Variants in SCIN observed in about 807,000 individuals in gnomAD.
The protein encoded by SCIN is scinderin, also known as adseverin.
In SCIN, 91 loss-of-function variants were observed where a neutral mutation model predicts 91.8. The observed-to-expected ratio is 0.99, with a 90% CI of 0.84 to 1.18. The LOEUF is 1.18. SCIN is among the 50% of genes most tolerant of loss of function. SCIN has a pLI of 0.00. For synonymous variants in SCIN, 367 were observed against 312.6 expected (o/e 1.17, Z -1.84); for missense variants, 1,087 against 863.9 (o/e 1.26, Z -3.24).
chr7:12,648,570 C>T (rs1784013147), intron 13 of SCIN, among the ~76,000 whole-genome samples: 1 of 152,168 alleles, frequency 6.6e-6, no homozygotes, highest in Non-Finnish European at 1.5e-5. Flanking sequence ...GCTGGGATTA[C>T]AGGCATGAGC....
rs1156833551 is a variant in SCIN at position 12,653,234 on chromosome 7, T to C, written c.*519T>C. ...AATAACCTGAAGGAAACTTTCGTTA[T>C]GGGCCAATATTAGCTCTTATGGAAA... On this transcript the variant is annotated 3_prime_UTR_variant, in exon 16 of 16. Transcript: ENST00000297029. The surrounding 1 kb of genome is among the most constrained non-coding windows in gnomAD (Gnocchi z 4.1). 1 of 152,276 alleles carries C rather than the reference T, an allele frequency of 6.6e-6. No homozygotes were observed. Among genetic ancestry groups the C allele is most frequent in the African/African-American group, 2.4e-5 (1 of 41,454 alleles). The allele number at this position is 152,276 out of a possible 1,614,324, so 9.4% of individuals were successfully genotyped here.
intron 9 of SCIN, among the ~76,000 whole-genome samples, chr7:12,635,632 A>AAAAAAAAAAAAAAAAG (rs1783734541): frequency 6.7e-6 from 1 of 148,298 alleles, no homozygotes; most frequent in African/African-American, 2.5e-5. Flanking sequence ...AAAAAAAAAA[A>AAAAAAAAAAAAAAAAG]AAAAAAAAAA....
intron 3 of SCIN, among the ~76,000 whole-genome samples, chr7:12,600,292 G>C (rs1477902081): frequency 6.6e-6 from 1 of 152,194 alleles, no homozygotes; most frequent in Non-Finnish European, 1.5e-5. Context: ...ATATGTGGGA[G>C]CTAAGATATA....
chr7:12,603,760 C>T (rs541715638), intron 3 of SCIN, among the ~76,000 whole-genome samples: 27 of 152,118 alleles, frequency 1.8e-4, no homozygotes, highest in Non-Finnish European at 3.4e-4. Context: ...TTTCATGTTT[C>T]GATGTTAAAG....
chr7:12,571,193 G>T, intron 1 of SCIN: 1 of 591,974 alleles, frequency 1.7e-6, no homozygotes. Flanking sequence ...GGCGTTGTCC[G>T]CAATTGACTT....
intron 10 of SCIN, 131 bp from the exon 11 acceptor site, chr7:12,640,216 T>C: frequency 1.4e-6 from 1 of 714,390 alleles, no homozygotes; most frequent in Non-Finnish European, 2.1e-6. Flanking sequence ...TTAATCATCA[T>C]TCCTCCTGCT....
intron 3 of SCIN, among the ~76,000 whole-genome samples, chr7:12,582,687 G>C (rs141661768): frequency 6.6e-6 from 1 of 152,146 alleles, no homozygotes; most frequent in East Asian, 1.9e-4. Context: ...ACAGATTTAA[G>C]TCCTGACTCT....
chr7:12,648,979 G>C (rs1784024436), intron 13 of SCIN, among the ~76,000 whole-genome samples: 1 of 152,176 alleles, frequency 6.6e-6, no homozygotes, highest in Non-Finnish European at 1.5e-5. Flanking sequence ...TATAAGACCA[G>C]TGTATACTGA....
intron 3 of SCIN, among the ~76,000 whole-genome samples, chr7:12,592,422 C>A (rs924515561): frequency 1.1e-4 from 16 of 151,944 alleles, no homozygotes; most frequent in African/African-American, 3.9e-4. Context: ...GGCTGTAGGC[C>A]CTTTTGGTGG....
rs569600846 is a variant in SCIN, at chr7:12,654,131, A to G, written c.*1416A>G. Reference sequence around the variant, plus strand: ...ATTGTTGGGCCCTAAAGGATGAACAATGTAGGGTCCAACAATTCATCCCAC... The same window carrying G: ...ATTGTTGGGCCCTAAAGGATGAACAGTGTAGGGTCCAACAATTCATCCCAC... On this transcript the variant is annotated 3_prime_UTR_variant, in exon 16 of 16. Transcript: ENST00000297029. 6 of 152,260 alleles carry G rather than the reference A, an allele frequency of 3.9e-5. No homozygotes were observed. Among genetic ancestry groups the G allele is most frequent in the Non-Finnish European group, 5.9e-5 (4 of 67,990 alleles). The allele number at this position is 152,260 out of a possible 1,614,324, so 9.4% of individuals were successfully genotyped here.
At chr7:12,588,168 A>G (rs1375025808) in intron 3 of SCIN, among the ~76,000 whole-genome samples, 1 of 152,196 alleles carries the variant, frequency 6.6e-6, no homozygotes, top group Non-Finnish European at 1.5e-5. Flanking sequence ...CCTTGAGGCA[A>G]TAAGAATGGA....
chr7:12,627,828 C>T (rs1290746612), intron 8 of SCIN, among the ~76,000 whole-genome samples: 1 of 152,258 alleles, frequency 6.6e-6, no homozygotes, highest in East Asian at 1.9e-4. Context: ...CAGCCTTCTC[C>T]TGTGCCATCC....
chr7:12,608,098 C>A (rs1325282633), intron 4 of SCIN, among the ~76,000 whole-genome samples: 2 of 152,134 alleles, frequency 1.3e-5, no homozygotes, highest in Non-Finnish European at 2.9e-5. Flanking sequence ...GTTATTAGAT[C>A]TTCTGCTCAC....
chr7:12,630,431 T>C (rs1247951861), intron 9 of SCIN, among the ~76,000 whole-genome samples: 1 of 152,222 alleles, frequency 6.6e-6, no homozygotes, highest in African/African-American at 2.4e-5. Flanking sequence ...TGGAATAACC[T>C]GGACAATTTC....
intron 4 of SCIN, among the ~76,000 whole-genome samples, chr7:12,616,388 C>T (rs979317680): frequency 6.6e-6 from 1 of 152,126 alleles, no homozygotes; most frequent in Non-Finnish European, 1.5e-5. Flanking sequence ...CCTTCTTGCT[C>T]TCTTGCTCTC....
intron 4 of SCIN, among the ~76,000 whole-genome samples, chr7:12,618,880 AC>A (rs1426678993): frequency 6.6e-6 from 1 of 152,152 alleles, no homozygotes; most frequent in Non-Finnish European, 1.5e-5. Context: ...AGAGTCATCT[AC>A]CCTAAAATGA....
chr7:12,622,885 CT>C lies in SCIN; in HGVS notation c.752del (p.Leu251HisfsTer11). 1.2e-6 allele frequency: 2 copies of C among 1,610,384 alleles called. No homozygotes were observed. Among genetic ancestry groups the C allele is most frequent in the Non-Finnish European group, 1.7e-6 (2 of 1,176,972 alleles). On this transcript the variant is annotated frameshift_variant, in exon 5 of 16. Coordinates refer to ENST00000297029, the MANE Select transcript of SCIN (RefSeq NM_001112706.3). LOFTEE classifies it high-confidence loss of function. ...CATAAGTAACAGGAAAATGGCTAAA[CT>C]ATACATGGTGAGTTCACTGTAACCA... ...ADISNRKMAK[L>X]YMVSDASGSM...
intron 3 of SCIN, among the ~76,000 whole-genome samples, chr7:12,603,625 G>A (rs1230986824): frequency 4.6e-5 from 7 of 151,858 alleles, no homozygotes; most frequent in African/African-American, 7.3e-5. Context: ...ATTATTTTAC[G>A]TTTGTATCCT....
chr7:12,615,655 TTCATCCA>T (rs1783284072), intron 4 of SCIN, among the ~76,000 whole-genome samples: 1 of 152,162 alleles, frequency 6.6e-6, no homozygotes, highest in Admixed American at 6.6e-5. Context: ...CATTCAGCCC[TTCATCCA>T]AATTACAGGG....
Sources: allele counts gnomAD v4.1 joint callset (sites outside exome capture counted in the v4.1 genomes callset), GRCh38; gene constraint gnomAD v4.1.1; non-coding constraint Gnocchi (gnomAD v3.1); transcripts MANE v1.5; gene names NCBI Gene and HGNC (gene_info 2026-07-23, HGNC 2026-07-21).